NRG3: variants seen among roughly 807,000 people sequenced by gnomAD.
NRG3 encodes pro-neuregulin-3, membrane-bound isoform.
In NRG3, 31 loss-of-function variants were observed where a neutral mutation model predicts 66.9. That is an observed-to-expected ratio of 0.46 (90% CI 0.35 to 0.63). The LOEUF is 0.63. Among genes scored for constraint, NRG3 ranks in the 20% least tolerant of loss-of-function variants. NRG3 has a pLI of 0.00. For synonymous variants in NRG3, 393 were observed against 359.4 expected (o/e 1.09, Z -1.06); for missense variants, 910 against 878.9 (o/e 1.04, Z -0.45).
At chr10:82,483,317 T>C (rs1842434388) in intron 2 of NRG3, among the ~76,000 whole-genome samples, 1 of 152,234 alleles carries the variant, frequency 6.6e-6, no homozygotes, top group Non-Finnish European at 1.5e-5. Flanking sequence ...GTCTCCCAGA[T>C]GGAGGCCAGC....
chr10:82,469,463 G>C (rs1805406041), intron 2 of NRG3, among the ~76,000 whole-genome samples: 1 of 151,930 alleles, frequency 6.6e-6, no homozygotes, highest in Admixed American at 6.6e-5. Context: ...ATGCCTCTTA[G>C]TGGTGGTGGT....
At chr10:82,852,435 A>T (rs1361272676) in intron 3 of NRG3, among the ~76,000 whole-genome samples, 1 of 152,076 alleles carries the variant, frequency 6.6e-6, no homozygotes, top group Non-Finnish European at 1.5e-5. Context: ...CATTCAGCAC[A>T]TGTATCCCAG....
At chr10:82,524,236 A>C (rs1846470801) in intron 2 of NRG3, among the ~76,000 whole-genome samples, 1 of 152,070 alleles carries the variant, frequency 6.6e-6, no homozygotes, top group Non-Finnish European at 1.5e-5. Context: ...TGAATAAAAC[A>C]AAAAATAGCA....
chr10:82,307,635 T>A (rs1428774740), intron 1 of NRG3, among the ~76,000 whole-genome samples: 5 of 152,306 alleles, frequency 3.3e-5, no homozygotes, highest in African/African-American at 1.2e-4. Flanking sequence ...ACATTTTCAA[T>A]TTTGAGTCAT....
intron 2 of NRG3, among the ~76,000 whole-genome samples, chr10:82,430,319 G>A (rs1242298532): frequency 4.0e-5 from 6 of 151,664 alleles, no homozygotes; most frequent in East Asian, 3.9e-4. Context: ...GTGCAGTGGC[G>A]CCATCTCGGC....
chr10:81,925,528 G>GT (rs1474365467), intron 1 of NRG3, among the ~76,000 whole-genome samples: 2 of 152,144 alleles, frequency 1.3e-5, no homozygotes, highest in African/African-American at 4.8e-5. Context: ...CCACACTGAG[G>GT]TTGTGCTTGC....
At chr10:82,958,098 A>C (rs955441787) in intron 5 of NRG3, among the ~76,000 whole-genome samples, 5 of 152,122 alleles carry the variant, frequency 3.3e-5, no homozygotes, top group Admixed American at 6.5e-5. Context: ...GAAGTCCAGA[A>C]CCCTACAGCA....
At chr10:82,286,821 C>T (rs1190623294) in intron 1 of NRG3, among the ~76,000 whole-genome samples, 2 of 152,114 alleles carry the variant, frequency 1.3e-5, no homozygotes, top group Non-Finnish European at 2.9e-5. Context: ...CTCCTGACCT[C>T]GTGATCTGCC....
At chr10:82,889,282 G>A (rs1591838388) in intron 4 of NRG3, among the ~76,000 whole-genome samples, 1 of 152,068 alleles carries the variant, frequency 6.6e-6, no homozygotes, top group African/African-American at 2.4e-5. Context: ...AGAGTCTGCT[G>A]GATTTGTTGA....
chr10:82,735,292 T>C (rs1299876568), intron 2 of NRG3, among the ~76,000 whole-genome samples: 1 of 152,200 alleles, frequency 6.6e-6, no homozygotes. Context: ...CCTTGTTTTG[T>C]AAAACAACTG....
chr10:81,916,248 T>C (rs1157272030), intron 1 of NRG3, among the ~76,000 whole-genome samples: 2 of 152,170 alleles, frequency 1.3e-5, no homozygotes, highest in African/African-American at 4.8e-5. Flanking sequence ...TAGAAAGTGC[T>C]GTTTCCATGA....
At chr10:82,296,949 T>A (rs904022436) in intron 1 of NRG3, among the ~76,000 whole-genome samples, 27 of 152,170 alleles carry the variant, frequency 1.8e-4, no homozygotes, top group Admixed American at 1.5e-3. Context: ...CTCCCCTCTT[T>A]TGGAGTCCCC....
At chr10:82,515,957 G>T (rs1388958507) in intron 2 of NRG3, among the ~76,000 whole-genome samples, 1 of 152,120 alleles carries the variant, frequency 6.6e-6, no homozygotes, top group East Asian at 1.9e-4. Context: ...TGCTTTCAGG[G>T]CCCAAACATC....
At chr10:82,241,264 A>G (rs1307152733) in intron 1 of NRG3, among the ~76,000 whole-genome samples, 1 of 152,140 alleles carries the variant, frequency 6.6e-6, no homozygotes, top group East Asian at 1.9e-4. Flanking sequence ...GCAGTAGCGT[A>G]TAGGAGAGTT....
At chr10:81,993,491 T>C (rs916455852) in intron 1 of NRG3, among the ~76,000 whole-genome samples, 6 of 151,994 alleles carry the variant, frequency 3.9e-5, no homozygotes, top group Non-Finnish European at 8.8e-5. Context: ...GGCCTACAGA[T>C]GCATGCCACC....
intron 1 of NRG3, among the ~76,000 whole-genome samples, chr10:81,936,068 A>T (rs1014855036): frequency 6.6e-6 from 1 of 152,148 alleles, no homozygotes; most frequent in Non-Finnish European, 1.5e-5. Context: ...AAGTGGGCAG[A>T]CATGATAGAA....
intron 1 of NRG3, among the ~76,000 whole-genome samples, chr10:81,902,557 G>A (rs1844178600): frequency 6.6e-6 from 1 of 152,118 alleles, no homozygotes; most frequent in Non-Finnish European, 1.5e-5. Context: ...AGCCAGGAAG[G>A]TGGCCCTCAT....
intron 1 of NRG3, among the ~76,000 whole-genome samples, chr10:82,287,848 A>C (rs1322216862): frequency 1.3e-5 from 2 of 152,148 alleles, no homozygotes; most frequent in Non-Finnish European, 2.9e-5. Flanking sequence ...CCAAATTCTC[A>C]AGAAACCAGA....
chr10:82,550,587 A>G (rs184417456), intron 2 of NRG3, among the ~76,000 whole-genome samples: 60 of 152,330 alleles, frequency 3.9e-4, no homozygotes, highest in African/African-American at 1.4e-3. Flanking sequence ...GGTGACTCCA[A>G]GATTCCTTTG....
Sources: gnomAD v4.1 joint callset for allele counts (sites outside exome capture counted in the v4.1 genomes callset) on GRCh38, gnomAD v4.1.1 for gene constraint, MANE v1.5 for transcripts, NCBI Gene and HGNC (gene_info 2026-07-23, HGNC 2026-07-21) for gene names.